Variants in FANCC observed in about 807,000 individuals in gnomAD.
The protein encoded by FANCC is Fanconi anemia group C protein.
FANCC carries 55 observed loss-of-function variants against 71.3 expected under a neutral mutation model. The observed-to-expected ratio is 0.77, with a 90% CI of 0.62 to 0.97. The LOEUF (loss-of-function observed/expected upper bound fraction) is 0.97. FANCC is among the 50% of genes least tolerant of loss of function. The pLI, the probability that FANCC is intolerant of heterozygous loss-of-function variation, is 0.00. For synonymous variants in FANCC, 275 were observed against 244.9 expected, an observed-to-expected ratio of 1.12 and a Z score of -1.15; for missense variants, 678 against 670.9, an observed-to-expected ratio of 1.01 and a Z score of -0.12.
At chr9:95,246,492 T>TA (rs1208597877) in intron 3 of FANCC, among the ~76,000 whole-genome samples, 1 of 152,224 alleles carries the variant, frequency 6.6e-6, no homozygotes, top group East Asian at 1.9e-4. Context: ...TCTTTGACTT[T>TA]AAAAAATCTT....
At chr9:95,240,477 C>A (rs1830571225) in intron 4 of FANCC, among the ~76,000 whole-genome samples, 172 bp downstream of exon 4, 2 of 152,158 alleles carry the variant, frequency 1.3e-5, no homozygotes, top group Admixed American at 1.3e-4. Flanking sequence ...AAATTGAAAT[C>A]TCTTGAAAAA....
At chr9:95,193,639 A>G (rs761190512) in intron 4 of FANCC, among the ~76,000 whole-genome samples, 1 of 152,234 alleles carries the variant, frequency 6.6e-6, no homozygotes, top group Non-Finnish European at 1.5e-5. Context: ...GGAAGATGAC[A>G]TTGGAAACTG....
chr9:95,223,179 C>A (rs919981176), intron 4 of FANCC, among the ~76,000 whole-genome samples: 2 of 152,188 alleles, frequency 1.3e-5, no homozygotes, highest in African/African-American at 2.4e-5. Context: ...CAAAGTACCA[C>A]AAGTTGAGTG....
At chr9:95,104,706 C>T (rs1182357961) in intron 14 of FANCC, among the ~76,000 whole-genome samples, 1 of 152,184 alleles carries the variant, frequency 6.6e-6, no homozygotes, top group East Asian at 1.9e-4. Context: ...GTGATTTTCT[C>T]TCACACCCTG....
intron 2 of FANCC, among the ~76,000 whole-genome samples, chr9:95,248,759 A>T (rs1001337208): frequency 1.3e-5 from 2 of 152,152 alleles, no homozygotes; most frequent in African/African-American, 4.8e-5. Context: ...ATCTCTTAGG[A>T]CAGCCCACTT....
chr9:95,294,313 A>G lies in FANCC; in HGVS notation c.-79+23213T>C, dbSNP rs903173874. The G allele has an allele frequency of 8.8e-6, 14 of 1,585,474 alleles. No homozygotes were observed. The African/African-American group carries it at 1.9e-4, about 21-fold the overall frequency. ...AACTGAAGAGAGTGAACTTAGCACCATGAACACTGAGCCAGTCTTGGAGTC... is the reference window on the plus strand; with the variant it reads ...AACTGAAGAGAGTGAACTTAGCACCGTGAACACTGAGCCAGTCTTGGAGTC... On this transcript the variant is annotated intron_variant, in intron 1 of 14. Transcript: ENST00000289081.
intron 8 of FANCC, 55 bp from the exon 9 acceptor site, chr9:95,126,636 A>G (rs1479310055): frequency 1.3e-6 from 2 of 1,573,040 alleles, no homozygotes; most frequent in East Asian, 2.2e-5. Flanking sequence ...TTTCTCAGAA[A>G]CTTGCTATTA....
At chr9:95,133,433 G>T (rs1331241089) in intron 8 of FANCC, among the ~76,000 whole-genome samples, 1 of 152,254 alleles carries the variant, frequency 6.6e-6, no homozygotes, top group Non-Finnish European at 1.5e-5. Flanking sequence ...AAAAGCTTTT[G>T]TAAGTCAACT....
Position 95,228,228 on chromosome 9 carries a change from C to T in FANCC, c.345+12421G>A, listed in dbSNP as rs745422277. On this transcript the variant is annotated intron_variant, in intron 4 of 14. Transcript: ENST00000289081. ...GAGCCAGGGCGGAAGCAGGGGCATG[C>T]GGAGCATGACAGGTGCCACATTACA... 4.6e-5 allele frequency among the ~76,000 whole-genome samples: 7 copies of T among 152,274 alleles called. No individual in the cohort carries two copies. In the South Asian group the frequency reaches 6.2e-4, roughly 14 times the overall value.
At chr9:95,132,203 C>T (rs753687618) in intron 8 of FANCC, among the ~76,000 whole-genome samples, 5 of 152,284 alleles carry the variant, frequency 3.3e-5, no homozygotes, top group Non-Finnish European at 5.9e-5. Flanking sequence ...GGGTACCTTC[C>T]GGCCCTGGCA....
chr9:95,185,941 G>A (rs920444295), intron 4 of FANCC, among the ~76,000 whole-genome samples: 2 of 152,226 alleles, frequency 1.3e-5, no homozygotes, highest in Admixed American at 6.5e-5. Flanking sequence ...AAGAAGCCAA[G>A]TCTAATTAAT....
In FANCC at chr9:95,177,603, G is replaced by A. The variant is rs148313881; in HGVS notation, c.346-5456C>T. On this transcript the variant is annotated intron_variant, in intron 4 of 14. Coordinates refer to ENST00000289081, the MANE Select transcript of FANCC (RefSeq NM_000136.3). ...CTTTGCCTAAAACACATTGTACAGC[G>A]GTACAAAAATATCTTCTTTCACTAT... is the stretch of plus-strand genomic sequence containing the variant. Among the ~76,000 whole-genome samples, 546 of 152,176 alleles carry A rather than the reference G, an allele frequency of 3.6e-3. 2 individuals are homozygous for A. Among genetic ancestry groups the A allele is most frequent in the African/African-American group, 0.013 (524 of 41,530 alleles).
chr9:95,195,210 A>C (rs1370427321), intron 4 of FANCC, among the ~76,000 whole-genome samples: 12 of 148,378 alleles, frequency 8.1e-5, no homozygotes, highest in South Asian at 2.1e-4. Flanking sequence ...AAAAAAAAAA[A>C]AAAAAAAAAA....
chr9:95,163,433 T>C (rs753303452), intron 6 of FANCC, among the ~76,000 whole-genome samples: 5 of 152,230 alleles, frequency 3.3e-5, no homozygotes, highest in Non-Finnish European at 7.3e-5. Context: ...TGAGATTCTA[T>C]ATACATTAAA....
chr9:95,104,791 G>T (rs965704269), intron 14 of FANCC, among the ~76,000 whole-genome samples: 1 of 152,124 alleles, frequency 6.6e-6, no homozygotes, highest in Admixed American at 6.5e-5. Flanking sequence ...CGGGCCACAG[G>T]GTTGGGGAGG....
At chr9:95,264,104 G>C (rs966525244) in intron 1 of FANCC, among the ~76,000 whole-genome samples, 2 of 152,158 alleles carry the variant, frequency 1.3e-5, no homozygotes, top group African/African-American at 4.8e-5. Context: ...GCATAGTTGA[G>C]GCAATGAAGG....
rs552824672 is a variant in FANCC, at chr9:95,107,760, G to A, written c.1330-491C>T. On this transcript the variant is annotated intron_variant, in intron 13 of 14. Coordinates refer to ENST00000289081, the MANE Select transcript of FANCC (RefSeq NM_000136.3). ...GGGGAACACACACACATGCACGCAC[G>A]TGTACACAAGCACGGTCATACACAC... Among the ~76,000 whole-genome samples, 106 of 152,238 alleles carry A rather than the reference G, an allele frequency of 7.0e-4. 1 individual carries two copies. The highest frequency in any genetic ancestry group is 2.4e-3 in the African/African-American group (98 of 41,528).
chr9:95,188,635 A>T (rs887533075), intron 4 of FANCC, among the ~76,000 whole-genome samples: 1 of 152,216 alleles, frequency 6.6e-6, no homozygotes, highest in African/African-American at 2.4e-5. Flanking sequence ...ATCATCCTTC[A>T]GTGGTGGTCA....
chr9:95,228,220 G>C (rs1012466546), intron 4 of FANCC, among the ~76,000 whole-genome samples: 2 of 152,230 alleles, frequency 1.3e-5, no homozygotes, highest in Admixed American at 6.5e-5. Context: ...GGCGGAAGCA[G>C]GGGCATGCGG....
Sources: gnomAD v4.1 joint callset for allele counts (sites outside exome capture counted in the v4.1 genomes callset) on GRCh38, gnomAD v4.1.1 for gene constraint, MANE v1.5 for transcripts, NCBI Gene and HGNC (gene_info 2026-07-23, HGNC 2026-07-21) for gene names.